ELP4: variants seen among roughly 807,000 people sequenced by gnomAD.
The protein encoded by ELP4 is elongator complex protein 4.
A neutral mutation model predicts 48.9 loss-of-function variants in ELP4; 51 were observed. The ratio of observed to expected loss-of-function variants is 1.04; its 90% CI spans 0.83 to 1.32. The LOEUF (loss-of-function observed/expected upper bound fraction) is 1.32, where lower values mean the gene tolerates loss of function less well. ELP4 is among the 40% of genes most tolerant of loss of function. The probability of loss-of-function intolerance (pLI) is 0.00; values close to 1 mark genes in which losing one functional copy is unlikely to be tolerated. For synonymous variants in ELP4, 210 were observed against 189.2 expected (o/e 1.11, Z -0.90); for missense variants, 519 against 514.6 (o/e 1.01, Z -0.08).
intron 9 of ELP4, among the ~76,000 whole-genome samples, chr11:31,749,110 T>C (rs1947662407): frequency 6.6e-6 from 1 of 152,022 alleles, no homozygotes; most frequent in African/African-American, 2.4e-5. Context: ...ATAACTGAGA[T>C]GGGGATGACT....
rs1946217492 is a variant in ELP4 at position 31,688,910 on chromosome 11, TGG to T, written c.1143+38691_1143+38692del. Among the ~76,000 whole-genome samples, 2 of 152,158 alleles carry T rather than the reference TGG, an allele frequency of 1.3e-5. 1 individual carries two copies. On this transcript the variant is annotated intron_variant, in intron 9 of 9. Coordinates refer to ENST00000640961, the MANE Select transcript of ELP4 (RefSeq NM_019040.5). ...ACTTCCTGTTTGCAGCTCTTATCATTGGGAGAACAGTAAATTAGATCTAGACT... is the reference window on the plus strand; with the variant it reads ...ACTTCCTGTTTGCAGCTCTTATCATTGAGAACAGTAAATTAGATCTAGACT...
At chr11:31,692,605 A>G (rs1946302649) in intron 9 of ELP4, among the ~76,000 whole-genome samples, 1 of 152,168 alleles carries the variant, frequency 6.6e-6, no homozygotes, top group Non-Finnish European at 1.5e-5. Context: ...AAGAGTACAC[A>G]GTGACAGCTC....
chr11:31,634,875 T>C (rs888193383), intron 7 of ELP4, among the ~76,000 whole-genome samples: 1 of 151,952 alleles, frequency 6.6e-6, no homozygotes, highest in Non-Finnish European at 1.5e-5. Context: ...GACATATTCC[T>C]CAAAACAGAG....
intron 3 of ELP4, among the ~76,000 whole-genome samples, chr11:31,558,814 A>G (rs1956970195): frequency 6.6e-6 from 1 of 152,186 alleles, no homozygotes; most frequent in Non-Finnish European, 1.5e-5. Context: ...ACCCATTCTT[A>G]GATGATTATT....
intron 9 of ELP4, among the ~76,000 whole-genome samples, chr11:31,697,947 C>T (rs1592233517): frequency 8.2e-6 from 1 of 122,282 alleles, no homozygotes; most frequent in South Asian, 2.8e-4. Context: ...TACTACATAT[C>T]AGAAAATGCT....
intron 9 of ELP4, among the ~76,000 whole-genome samples, chr11:31,688,467 C>T (rs938085821): frequency 1.3e-5 from 2 of 152,158 alleles, no homozygotes; most frequent in Non-Finnish European, 2.9e-5. Flanking sequence ...TTTCCTCCCA[C>T]TCTTTTGATC....
chr11:31,617,330 A>G (rs1944512140), intron 5 of ELP4, among the ~76,000 whole-genome samples: 1 of 152,160 alleles, frequency 6.6e-6, no homozygotes, highest in Non-Finnish European at 1.5e-5. Context: ...TCAGTTACAA[A>G]AAGATAAATA....
At chr11:31,761,313 G>C (rs954401808) in intron 9 of ELP4, among the ~76,000 whole-genome samples, 4 of 149,846 alleles carry the variant, frequency 2.7e-5, no homozygotes, top group African/African-American at 9.9e-5. Context: ...ACTCCAGCCT[G>C]AGCAACAGAG....
At chr11:31,601,765 A>G (rs1957789310) in intron 4 of ELP4, among the ~76,000 whole-genome samples, 1 of 152,258 alleles carries the variant, frequency 6.6e-6, no homozygotes, top group African/African-American at 2.4e-5. Flanking sequence ...GTCTGCTAAA[A>G]TAGATTATTC....
At chr11:31,723,265 TG>T (rs1197768839) in intron 9 of ELP4, among the ~76,000 whole-genome samples, 1 of 152,118 alleles carries the variant, frequency 6.6e-6, no homozygotes, top group Non-Finnish European at 1.5e-5. Flanking sequence ...CCCCAGCATA[TG>T]GCAGAGCAGG....
In ELP4 at chr11:31,626,239, A is replaced by G. The variant is rs1478737050; in HGVS notation, c.654-871A>G. Among the ~76,000 whole-genome samples the G allele has an allele frequency of 5.3e-5, 8 of 151,914 alleles. No homozygotes were observed. In the South Asian group the frequency reaches 1.2e-3, roughly 24 times the overall value. On this transcript the variant is annotated intron_variant, in intron 5 of 9. Coordinates refer to ENST00000640961, the MANE Select transcript of ELP4 (RefSeq NM_019040.5). ...CTTTCTTTGGATATTTCTTCTGCCTATGTGATTGCTTACTTAGGATCACAG... is the reference window on the plus strand; with the variant it reads ...CTTTCTTTGGATATTTCTTCTGCCTGTGTGATTGCTTACTTAGGATCACAG...
At chr11:31,774,985 A>G (rs1342173349) in intron 9 of ELP4, among the ~76,000 whole-genome samples, 1 of 152,146 alleles carries the variant, frequency 6.6e-6, no homozygotes, top group Admixed American at 6.5e-5. Context: ...TCCTCAGCAA[A>G]TAGCTTCCAT....
At chr11:31,597,679 C>A (rs1490117790) in intron 4 of ELP4, among the ~76,000 whole-genome samples, 2 of 151,920 alleles carry the variant, frequency 1.3e-5, no homozygotes, top group African/African-American at 4.8e-5. Context: ...TCAAGTGATT[C>A]TCCTGCCTCA....
At position 31,788,452 on chromosome 11, in the gene ELP4, G is replaced by A; in HGVS notation, c.*4928G>A. On this transcript the variant is annotated 3_prime_UTR_variant, in exon 10 of 10. Transcript: ENST00000640961. ...GGAAATGATGCCTCTTGTGCAAAGG[G>A]GAGGGAGACAGAAAAGGGAGAGGGC... 8.9e-6 allele frequency: 2 copies of A among 223,572 alleles called. No individual in the cohort carries two copies. The highest frequency in any genetic ancestry group is 8.9e-6 in the Non-Finnish European group (1 of 111,976). The allele number at this position is 223,572 out of a possible 1,614,324, so 13.8% of individuals were successfully genotyped here.
intron 9 of ELP4, among the ~76,000 whole-genome samples, chr11:31,676,081 A>T (rs1259485613): frequency 1.3e-5 from 2 of 151,730 alleles, no homozygotes; most frequent in African/African-American, 2.4e-5. Flanking sequence ...ACCCTACATG[A>T]CCTGGCTGCC....
At chr11:31,529,275 A>G (rs1262790559) in intron 2 of ELP4, among the ~76,000 whole-genome samples, 1 of 152,120 alleles carries the variant, frequency 6.6e-6, no homozygotes, top group Non-Finnish European at 1.5e-5. Context: ...ACATACCCAC[A>G]GTGAGAAAAA....
At position 31,594,724 on chromosome 11, in the gene ELP4, A is replaced by G. The variant is rs755377459; in HGVS notation, c.382-46A>G. The G allele has an allele frequency of 2.9e-6, 4 of 1,392,396 alleles. No individual in the cohort carries two copies. In the South Asian group the frequency reaches 5.0e-5, roughly 18 times the overall value. 86.3% of individuals were successfully genotyped at this position (1,392,396 alleles called of 1,614,324 possible). A position where few individuals can be genotyped will look rare whatever the true frequency, so the allele number is the denominator to read the frequency against. On this transcript the variant is annotated intron_variant, in intron 3 of 9. Coordinates refer to ENST00000640961, the MANE Select transcript of ELP4 (RefSeq NM_019040.5). ...AATATTATGGTTTAAGAAAATTGTC[A>G]TATTTTACCACAGAATCTCAATTAT...
intron 7 of ELP4, 127 bp downstream of exon 7, chr11:31,632,532 C>T (rs769775146): frequency 1.1e-4 from 73 of 648,180 alleles, no homozygotes; most frequent in Non-Finnish European, 1.4e-4. Flanking sequence ...TGGCCATTTG[C>T]ATGTCTTCTT....
intron 9 of ELP4, among the ~76,000 whole-genome samples, chr11:31,656,629 A>C (rs906204057): frequency 6.6e-6 from 1 of 152,000 alleles, no homozygotes; most frequent in Non-Finnish European, 1.5e-5. Flanking sequence ...AATTTAAGAA[A>C]AGTTGCACGA....
Sources: allele counts gnomAD v4.1 joint callset (sites outside exome capture counted in the v4.1 genomes callset), GRCh38; gene constraint gnomAD v4.1.1; transcripts MANE v1.5; gene names NCBI Gene and HGNC (gene_info 2026-07-23, HGNC 2026-07-21).